TRAPPC10: variants seen among roughly 807,000 people sequenced by gnomAD.
TRAPPC10 encodes TRAPP 130 kDa subunit.
Under a neutral mutation model 125.5 loss-of-function variants are expected in TRAPPC10, and 23 were observed. That is an observed-to-expected ratio of 0.18 (90% CI 0.13 to 0.26). The LOEUF is 0.26. TRAPPC10 is among the 10% of genes least tolerant of loss of function. The probability of loss-of-function intolerance (pLI) is 1.00; values close to 1 mark genes in which losing one functional copy is unlikely to be tolerated. For synonymous variants in TRAPPC10, 509 were observed against 518.0 expected (o/e 0.98, Z 0.24); for missense variants, 1,123 against 1,308.4 (o/e 0.86, Z 2.19).
chr21:44,086,761 C>T (rs776582727), intron 15 of TRAPPC10, 41 bp from the exon 16 acceptor site: 19 of 1,605,522 alleles, frequency 1.2e-5, no homozygotes, highest in Middle Eastern at 1.7e-4. Flanking sequence ...TGCTGTCTTC[C>T]GGTTGGCAGC....
chr21:44,045,577 A>G (rs530630797), intron 3 of TRAPPC10, among the ~76,000 whole-genome samples: 2 of 150,810 alleles, frequency 1.3e-5, no homozygotes, highest in Admixed American at 6.6e-5. Context: ...TTTTTGAGAG[A>G]GTCTCGCACT....
chr21:44,014,387 T>G (rs1366968701), intron 1 of TRAPPC10, among the ~76,000 whole-genome samples: 1 of 151,612 alleles, frequency 6.6e-6, no homozygotes, highest in Non-Finnish European at 1.5e-5. Context: ...GAGTGAATTT[T>G]TTTTTTTCCT....
intron 3 of TRAPPC10, among the ~76,000 whole-genome samples, chr21:44,043,606 T>A (rs2034569953): frequency 1.3e-5 from 2 of 152,194 alleles, no homozygotes; most frequent in African/African-American, 2.4e-5. Context: ...TGTCCAAATT[T>A]ATTTTCTGAA....
intron 7 of TRAPPC10, among the ~76,000 whole-genome samples, chr21:44,071,108 TAAAG>T (rs902164593): frequency 6.6e-6 from 1 of 152,216 alleles, no homozygotes; most frequent in Non-Finnish European, 1.5e-5. Flanking sequence ...TGTGTGGAAT[TAAAG>T]AAGCCCCATG....
intron 13 of TRAPPC10, 94 bp downstream of exon 13, chr21:44,080,221 G>A (rs2037593977): frequency 9.1e-7 from 1 of 1,098,064 alleles, no homozygotes; most frequent in Non-Finnish European, 1.3e-6. Flanking sequence ...ACAGTAAACA[G>A]TTGCTAACAT....
At chr21:44,027,337 A>G (rs2033165176) in intron 1 of TRAPPC10, among the ~76,000 whole-genome samples, 1 of 152,176 alleles carries the variant, frequency 6.6e-6, no homozygotes, top group African/African-American at 2.4e-5. Flanking sequence ...ATACTTTTGT[A>G]TGAGTAAGAC....
chr21:44,061,365 T>C (rs1001350084), intron 6 of TRAPPC10, among the ~76,000 whole-genome samples: 3 of 152,068 alleles, frequency 2.0e-5, no homozygotes, highest in Non-Finnish European at 4.4e-5. Flanking sequence ...GGTCTCGATC[T>C]CCTCGTGATC....
intron 7 of TRAPPC10, among the ~76,000 whole-genome samples, chr21:44,066,621 G>C (rs908442095): frequency 2.6e-5 from 4 of 152,096 alleles, no homozygotes; most frequent in African/African-American, 9.7e-5. Flanking sequence ...AGAAAATGTC[G>C]TTGCTTTTGC....
At chr21:44,077,597 C>A in intron 10 of TRAPPC10, 96 bp from the exon 11 acceptor site, 5 of 997,990 alleles carry the variant, frequency 5.0e-6, no homozygotes, top group Non-Finnish European at 7.5e-6. Context: ...AACAAAAACC[C>A]AACAATGTCT....
chr21:44,043,600 C>T (rs1161973119), intron 3 of TRAPPC10, among the ~76,000 whole-genome samples: 1 of 152,056 alleles, frequency 6.6e-6, no homozygotes, highest in Non-Finnish European at 1.5e-5. Flanking sequence ...GTCGAGTGTC[C>T]AAATTTATTT....
intron 7 of TRAPPC10, 38 bp from the exon 8 acceptor site, chr21:44,074,286 G>A (rs1186184573): frequency 7.4e-5 from 119 of 1,611,958 alleles, no homozygotes; most frequent in Non-Finnish European, 9.3e-5. Context: ...GAGCTGTCCC[G>A]GAGCACCCCT....
chr21:44,082,764 A>G lies in TRAPPC10; in HGVS notation c.1724-24A>G. 3.1e-6 allele frequency: 5 copies of G among 1,609,990 alleles called. No homozygotes were observed. Among genetic ancestry groups the G allele is most frequent in the Non-Finnish European group, 4.2e-6 (5 of 1,176,988 alleles). On this transcript the variant is annotated intron_variant, in intron 13 of 22. Coordinates refer to ENST00000291574, the MANE Select transcript of TRAPPC10 (RefSeq NM_003274.5). The surrounding 1 kb of genome is among the most constrained non-coding windows in gnomAD (Gnocchi z 4.4). ...GTCAGGAAGTGTGACTTGGGGAGTC[A>G]CTTACGATAATGTCTATTTACAGGT...
chr21:44,070,402 G>T (rs2036777144), intron 7 of TRAPPC10, among the ~76,000 whole-genome samples: 1 of 152,234 alleles, frequency 6.6e-6, no homozygotes, highest in South Asian at 2.1e-4. Context: ...GGCCCATTAG[G>T]GAAATGTGAG....
chr21:44,075,108 A>G lies in TRAPPC10; in HGVS notation c.1255A>G (p.Thr419Ala). The change falls in exon 9 of 23, where the codon ACA (threonine) becomes GCA (alanine). Residue 419 changes from threonine (T) to alanine (A), a missense_variant. Transcript: ENST00000291574. Reference sequence around the variant, plus strand: ...ACCTAACTCAGAAGATCTCAACAGGACAGTTGACCTTTTGGCAGGTTTGGG... The same window carrying G: ...ACCTAACTCAGAAGATCTCAACAGGGCAGTTGACCTTTTGGCAGGTTTGGG... Reference protein sequence around the residue: ...KGPNSEDLNRTVDLLAGLGAE... With the variant: ...KGPNSEDLNRAVDLLAGLGAE... 1 of 1,614,214 alleles carries G rather than the reference A, an allele frequency of 6.2e-7. No homozygotes were observed. The highest frequency in any genetic ancestry group is 1.1e-5 in the South Asian group (1 of 91,090).
chr21:44,077,474 A>C (rs754647894), intron 10 of TRAPPC10, among the ~76,000 whole-genome samples: 3 of 152,182 alleles, frequency 2.0e-5, no homozygotes, highest in Non-Finnish European at 4.4e-5. Flanking sequence ...AGTCCCAGCT[A>C]CTTGGGAAGC....
rs869261958 is a variant in TRAPPC10 at position 44,080,877 on chromosome 21, TTA to T, written c.1723+751_1723+752del. On this transcript the variant is annotated intron_variant, in intron 13 of 22. Transcript: ENST00000291574. ...TTTAAGATGGTGCTTTTTTTTTTTTTTAAAATGTAACAGCATTATTGTGATAT... is the reference window on the plus strand; with the variant it reads ...TTTAAGATGGTGCTTTTTTTTTTTTTAAATGTAACAGCATTATTGTGATAT... Among the ~76,000 whole-genome samples the T allele has an allele frequency of 4.1e-3, 595 of 145,996 alleles. 2 individuals are homozygous for T. The highest frequency in any genetic ancestry group is 0.013 in the African/African-American group (494 of 36,848).
At position 44,094,184 on chromosome 21, in the gene TRAPPC10, C is replaced by CT. The variant is rs1569227866; in HGVS notation, c.3120dup (p.Ile1041TyrfsTer9). ...TCCCCAGCTTCTGAGGAACAGCTGTCTATCTCCTTAAAGCCGTATACTTAT... is the reference window on the plus strand; with the variant it reads ...TCCCCAGCTTCTGAGGAACAGCTGTCTTATCTCCTTAAAGCCGTATACTTAT... On this transcript the variant is annotated frameshift_variant, in exon 20 of 23. Transcript: ENST00000291574. LOFTEE classifies it high-confidence loss of function. 2 of 1,614,178 alleles carry CT rather than the reference C, an allele frequency of 1.2e-6. No individual in the cohort carries two copies. Among genetic ancestry groups the CT allele is most frequent in the South Asian group, 1.1e-5 (1 of 91,084 alleles).
intron 5 of TRAPPC10, among the ~76,000 whole-genome samples, chr21:44,057,481 A>G (rs139697870): frequency 0.017 from 2,616 of 152,090 alleles, 75 homozygotes; most frequent in African/African-American, 0.059. Flanking sequence ...TATTTTTAGT[A>G]GAGATGGGGT....
intron 1 of TRAPPC10, among the ~76,000 whole-genome samples, chr21:44,016,902 G>A (rs188857710): frequency 1.9e-4 from 29 of 152,248 alleles, no homozygotes; most frequent in East Asian, 1.2e-3. Flanking sequence ...TGATCTGCCC[G>A]CCTCAGCCTC....
Sources: gnomAD v4.1 joint callset for allele counts (sites outside exome capture counted in the v4.1 genomes callset) on GRCh38, gnomAD v4.1.1 for gene constraint, Gnocchi (gnomAD v3.1) non-coding constraint, MANE v1.5 for transcripts, NCBI Gene and HGNC (gene_info 2026-07-23, HGNC 2026-07-21) for gene names.